The following PDE8A variants were observed in gnomAD, a reference collection of about 807,000 sequenced individuals.
The protein encoded by PDE8A is phosphodiesterase 8A, also known as high affinity cAMP-specific and IBMX-insensitive 3',5'-cyclic phosphodiesterase 8A.
PDE8A carries 59 observed loss-of-function variants against 105.0 expected under a neutral mutation model. The observed-to-expected ratio is 0.56, with a 90% CI of 0.46 to 0.70. The LOEUF is 0.70. Ranked by LOEUF, PDE8A falls within the 30% of genes least tolerant of loss-of-function variation. The probability of loss-of-function intolerance (pLI) is 0.00; values close to 1 mark genes in which losing one functional copy is unlikely to be tolerated. For missense variants in PDE8A, 1,014 were observed against 1,045.9 expected (o/e 0.97, Z 0.42); for synonymous variants, 355 against 371.9 (o/e 0.95, Z 0.52).
chr15:85,128,321 A>G (rs557548211), intron 20 of PDE8A, among the ~76,000 whole-genome samples: 1 of 152,272 alleles, frequency 6.6e-6, no homozygotes, highest in East Asian at 1.9e-4. Context: ...CCTCAGCAAG[A>G]TAATGAGACC....
chr15:85,117,586 A>G (rs1229781636), intron 16 of PDE8A, 55 bp from the exon 17 acceptor site: 7 of 1,468,168 alleles, frequency 4.8e-6, no homozygotes, highest in Middle Eastern at 1.8e-4. Context: ...GGCCTTAAAC[A>G]CTTGGCCTGT....
chr15:85,073,335 T>C (rs933890564), intron 3 of PDE8A, among the ~76,000 whole-genome samples: 2 of 152,256 alleles, frequency 1.3e-5, no homozygotes, highest in African/African-American at 4.8e-5. Context: ...GACATTTCTG[T>C]TTTCTAGCCC....
intron 11 of PDE8A, among the ~76,000 whole-genome samples, chr15:85,103,461 C>T (rs1037716445): frequency 7.9e-5 from 12 of 152,202 alleles, no homozygotes; most frequent in Non-Finnish European, 1.8e-4. Flanking sequence ...GCAGCATAAC[C>T]ACCTTTATGT....
chr15:85,118,929 C>T (rs2082137674), intron 17 of PDE8A, among the ~76,000 whole-genome samples: 1 of 152,322 alleles, frequency 6.6e-6, no homozygotes, highest in Non-Finnish European at 1.5e-5. Context: ...CAGAACTTTC[C>T]GTGCTCCCTC....
At chr15:85,070,975 C>G (rs2081301884) in intron 3 of PDE8A, among the ~76,000 whole-genome samples, 1 of 152,064 alleles carries the variant, frequency 6.6e-6, no homozygotes. Context: ...ATATCAATGT[C>G]TCCTCCCAAC....
intron 5 of PDE8A, among the ~76,000 whole-genome samples, chr15:85,078,040 C>CTGA (rs2141486548): frequency 6.6e-6 from 1 of 150,984 alleles, no homozygotes; most frequent in East Asian, 2.0e-4. Context: ...GAGTTACTAG[C>CTGA]TGAAAATTTT....
chr15:85,082,893 C>T (rs994541710), intron 5 of PDE8A, among the ~76,000 whole-genome samples: 1 of 152,312 alleles, frequency 6.6e-6, no homozygotes, highest in African/African-American at 2.4e-5. Context: ...CTATGTAATT[C>T]ACTTTGTCGT....
At position 85,083,594 on chromosome 15, in the gene PDE8A, T is replaced by C. The variant is rs768959632; in HGVS notation, c.585T>C (p.Asn195=). The C allele has an allele frequency of 2.5e-6, 4 of 1,613,700 alleles. 1 individual carries two copies. The South Asian group carries it at 4.4e-5, about 18-fold the overall frequency. ...ACCCCAACATCATGGCCTGCTACAA[T>C]GAACTGCTCCAGCTGGAGTTTGGAG... ...VENPNIMACY[N]ELLQLEFGEV... is the part of the protein sequence containing the mutation. The change falls in exon 6 of 22, where the codon AAT becomes AAC. Residue 195 remains asparagine (N), a synonymous_variant. Coordinates refer to ENST00000394553, the MANE Select transcript of PDE8A (RefSeq NM_002605.3).
intron 1 of PDE8A, among the ~76,000 whole-genome samples, chr15:85,057,035 C>G (rs1004884488): frequency 6.6e-6 from 1 of 152,178 alleles, no homozygotes; most frequent in African/African-American, 2.4e-5. Context: ...TTCCTTCTAA[C>G]AGTCAGGACC....
intron 1 of PDE8A, among the ~76,000 whole-genome samples, chr15:85,000,943 G>A (rs1257287050): frequency 6.6e-6 from 1 of 152,146 alleles, no homozygotes; most frequent in Non-Finnish European, 1.5e-5. Context: ...TACATGCAGA[G>A]GTCTAGGAGA....
chr15:85,115,135 G>T, intron 14 of PDE8A: 1 of 363,714 alleles, frequency 2.7e-6, no homozygotes, highest in Non-Finnish European at 4.9e-6. Flanking sequence ...CAAGAATGCT[G>T]GGCTTAAAGA....
At chr15:85,071,449 G>C (rs1380437405) in intron 3 of PDE8A, among the ~76,000 whole-genome samples, 12 of 152,236 alleles carry the variant, frequency 7.9e-5, no homozygotes, top group Admixed American at 7.9e-4. Flanking sequence ...CAGAGACATG[G>C]TTTTTCCTAC....
chr15:85,090,666 C>T (rs745535265), intron 7 of PDE8A: 317 of 393,894 alleles, frequency 8.0e-4, no homozygotes, highest in Non-Finnish European at 9.9e-4. Flanking sequence ...GTTTTGCACT[C>T]TACCTGGTGC....
At position 85,083,698 on chromosome 15, in the gene PDE8A, G is replaced by A; in HGVS notation, c.635+54G>A. 18 of 1,129,584 alleles carry A rather than the reference G, an allele frequency of 1.6e-5. No individual in the cohort carries two copies. The South Asian group carries it at 2.3e-4, about 14-fold the overall frequency. 70.0% of individuals were successfully genotyped at this position (1,129,584 alleles called of 1,614,324 possible). A position where few individuals can be genotyped will look rare whatever the true frequency, so the allele number is the denominator to read the frequency against. On this transcript the variant is annotated intron_variant, in intron 6 of 21. Transcript: ENST00000394553. ...CAGGCCATACAGGGCAGCATGGCAA[G>A]TGAGAACTTTGGTTGTGGGGAATAC...
At chr15:85,005,360 C>A (rs772298148) in intron 1 of PDE8A, among the ~76,000 whole-genome samples, 40 of 152,314 alleles carry the variant, frequency 2.6e-4, no homozygotes, top group Admixed American at 1.2e-3. Flanking sequence ...AAGCAATCTT[C>A]CTGCCTTGGC....
At chr15:85,013,491 C>T (rs2080273347) in intron 1 of PDE8A, among the ~76,000 whole-genome samples, 1 of 152,030 alleles carries the variant, frequency 6.6e-6, no homozygotes, top group Admixed American at 6.6e-5. Flanking sequence ...TTCTTCCTCT[C>T]CTTCAATTTA....
intron 20 of PDE8A, 69 bp from the exon 21 acceptor site, chr15:85,136,465 G>A: frequency 6.6e-7 from 1 of 1,526,014 alleles, no homozygotes; most frequent in South Asian, 1.2e-5. Context: ...TCTTCCTGGG[G>A]GAGGGGCTGC....
At chr15:85,027,893 A>G (rs2080545207) in intron 1 of PDE8A, among the ~76,000 whole-genome samples, 1 of 152,210 alleles carries the variant, frequency 6.6e-6, no homozygotes. Flanking sequence ...GTTGCAGTAC[A>G]CTGTTCTGAA....
At chr15:85,100,308 T>C (rs1197929698) in intron 11 of PDE8A, 110 bp downstream of exon 11, 3 of 929,864 alleles carry the variant, frequency 3.2e-6, no homozygotes, top group African/African-American at 3.3e-5. Flanking sequence ...TTCCTCAGAC[T>C]GTGGCAACAT....
Sources: gnomAD v4.1 joint callset for allele counts (sites outside exome capture counted in the v4.1 genomes callset) on GRCh38, gnomAD v4.1.1 for gene constraint, MANE v1.5 for transcripts, NCBI Gene and HGNC (gene_info 2026-07-23, HGNC 2026-07-21) for gene names.